The following OPCML variants were observed in gnomAD, a reference collection of about 807,000 sequenced individuals.
OPCML encodes the protein opioid binding protein/cell adhesion molecule like, also known as opioid-binding protein/cell adhesion molecule.
Under a neutral mutation model 37.8 loss-of-function variants are expected in OPCML, and 13 were observed. The observed-to-expected ratio is 0.34, with a 90% CI of 0.22 to 0.55. The LOEUF is 0.55. Ranked by LOEUF, OPCML falls within the 20% of genes least tolerant of loss-of-function variation. The pLI is 0.91. For missense variants in OPCML, 341 were observed against 435.6 expected, an observed-to-expected ratio of 0.78 and a Z score of 1.93; for synonymous variants, 176 against 168.8, an observed-to-expected ratio of 1.04 and a Z score of -0.33.
intron 3 of OPCML, among the ~76,000 whole-genome samples, chr11:132,536,035 T>G (rs2096339920): frequency 6.6e-6 from 1 of 152,172 alleles, no homozygotes; most frequent in South Asian, 2.1e-4. Flanking sequence ...AAGGTGAATT[T>G]GGCATGCAGC....
intron 1 of OPCML, among the ~76,000 whole-genome samples, chr11:133,073,975 T>G (rs770224101): frequency 2.6e-5 from 4 of 152,218 alleles, no homozygotes; most frequent in Admixed American, 6.5e-5. Flanking sequence ...GTTTGACTTA[T>G]TCCAGAACGT....
intron 1 of OPCML, among the ~76,000 whole-genome samples, chr11:133,431,620 C>A (rs532640879): frequency 2.0e-5 from 3 of 151,840 alleles, no homozygotes; most frequent in African/African-American, 7.3e-5. Flanking sequence ...CATGTGCCAC[C>A]ATGCCCAGCT....
intron 2 of OPCML, among the ~76,000 whole-genome samples, chr11:132,914,011 G>A (rs563881968): frequency 5.9e-5 from 9 of 152,296 alleles, no homozygotes; most frequent in Admixed American, 2.6e-4. Flanking sequence ...TCCACTTGGA[G>A]TGTGAAGGAC....
chr11:132,920,634 G>A (rs1466745610), intron 2 of OPCML, among the ~76,000 whole-genome samples: 1 of 152,066 alleles, frequency 6.6e-6, no homozygotes, highest in African/African-American at 2.4e-5. Flanking sequence ...CTCTCCAGGC[G>A]CTTTACGAGC....
chr11:132,603,641 G>T (rs1403590594), intron 3 of OPCML, among the ~76,000 whole-genome samples: 1 of 151,988 alleles, frequency 6.6e-6, no homozygotes. Flanking sequence ...AAACCTTTTG[G>T]TGGTTTCTTA....
intron 1 of OPCML, among the ~76,000 whole-genome samples, chr11:133,398,539 G>A (rs369888086): frequency 1.1e-4 from 16 of 152,122 alleles, no homozygotes; most frequent in South Asian, 2.1e-4. Flanking sequence ...AAGACTTTTC[G>A]CTAATATTGC....
intron 1 of OPCML, chr11:133,004,996 T>C (rs1947078998): frequency 3.0e-6 from 3 of 985,366 alleles, no homozygotes; most frequent in Non-Finnish European, 3.6e-6. Flanking sequence ...GCTGCACTCT[T>C]ACTCCTCCCA....
chr11:133,329,192 A>G, intron 1 of OPCML, among the ~76,000 whole-genome samples: 1 of 152,234 alleles, frequency 6.6e-6, no homozygotes, highest in Non-Finnish European at 1.5e-5. Context: ...GAGGATACAA[A>G]CAAATGGAAG....
chr11:132,944,820 C>T (rs986136182), intron 1 of OPCML, among the ~76,000 whole-genome samples: 1 of 152,196 alleles, frequency 6.6e-6, no homozygotes, highest in Admixed American at 6.5e-5. Flanking sequence ...GAAGCCTCCC[C>T]GTTGTATTCT....
chr11:132,703,667 G>C (rs1319005196), intron 2 of OPCML, among the ~76,000 whole-genome samples: 2 of 152,182 alleles, frequency 1.3e-5, no homozygotes, highest in African/African-American at 4.8e-5. Flanking sequence ...TAGAGAGACT[G>C]ATCTAAAGAG....
chr11:133,382,582 CGT>C (rs1944953770), intron 1 of OPCML, among the ~76,000 whole-genome samples: 1 of 152,206 alleles, frequency 6.6e-6, no homozygotes. Context: ...CTCTTGGCAG[CGT>C]CTAGGCTGGG....
intron 2 of OPCML, among the ~76,000 whole-genome samples, chr11:132,866,211 G>C (rs1208835032): frequency 2.0e-5 from 3 of 152,112 alleles, no homozygotes; most frequent in African/African-American, 7.2e-5. Flanking sequence ...GCCAACAAAA[G>C]AACATAAATT....
At chr11:132,841,287 C>T (rs1941275270) in intron 2 of OPCML, among the ~76,000 whole-genome samples, 1 of 152,172 alleles carries the variant, frequency 6.6e-6, no homozygotes, top group African/African-American at 2.4e-5. Context: ...CTAGCACTTA[C>T]TGACCCCCCG....
chr11:132,834,116 G>T (rs1940871758), intron 2 of OPCML, among the ~76,000 whole-genome samples: 1 of 152,120 alleles, frequency 6.6e-6, no homozygotes. Context: ...TGAGAAGTTG[G>T]CTGATGTTTG....
chr11:133,427,482 A>T (rs1946027046), intron 1 of OPCML, among the ~76,000 whole-genome samples: 1 of 152,148 alleles, frequency 6.6e-6, no homozygotes, highest in African/African-American at 2.4e-5. Context: ...GTAGTAAACA[A>T]ATCTTAAATG....
chr11:132,517,860 AT>A (rs1249287436), intron 4 of OPCML, among the ~76,000 whole-genome samples: 5 of 152,152 alleles, frequency 3.3e-5, no homozygotes, highest in Non-Finnish European at 7.3e-5. Context: ...TGTAAAGCAT[AT>A]TATTACTAAT....
At chr11:132,467,164 C>A (rs956031415) in intron 4 of OPCML, among the ~76,000 whole-genome samples, 1 of 152,208 alleles carries the variant, frequency 6.6e-6, no homozygotes, top group Non-Finnish European at 1.5e-5. Flanking sequence ...TGATAACAGA[C>A]TCGTCCACTG....
At chr11:132,789,046 G>A in intron 2 of OPCML, among the ~76,000 whole-genome samples, 1 of 144,012 alleles carries the variant, frequency 6.9e-6, no homozygotes, top group Non-Finnish European at 1.6e-5. Context: ...TCATCTACGT[G>A]CACCCGACAA....
At chr11:132,687,358 G>C (rs1943201058) in intron 2 of OPCML, among the ~76,000 whole-genome samples, 1 of 96,720 alleles carries the variant, frequency 1.0e-5, no homozygotes, top group African/African-American at 4.4e-5. Context: ...AAACTGCTCT[G>C]CCTTAAGCTA....
Sources: allele counts gnomAD v4.1 joint callset (sites outside exome capture counted in the v4.1 genomes callset), GRCh38; gene constraint gnomAD v4.1.1; transcripts MANE v1.5; gene names NCBI Gene and HGNC (gene_info 2026-07-23, HGNC 2026-07-21).